The following FHL2 variants were observed in gnomAD, a reference collection of about 807,000 sequenced individuals.
FHL2 encodes the protein four and a half LIM domains 2.
In FHL2, 20 loss-of-function variants were observed where a neutral mutation model predicts 32.7. That is an observed-to-expected ratio of 0.61 (90% CI 0.43 to 0.89). The LOEUF is 0.89. Ranked by LOEUF, FHL2 falls within the 40% of genes least tolerant of loss-of-function variation. The pLI is 0.00. For synonymous variants in FHL2, 123 were observed against 128.1 expected, an observed-to-expected ratio of 0.96 and a Z score of 0.27; for missense variants, 311 against 358.6, an observed-to-expected ratio of 0.87 and a Z score of 1.07.
intron 2 of FHL2, among the ~76,000 whole-genome samples, chr2:105,388,964 T>C (rs952122577): frequency 1.8e-4 from 28 of 152,378 alleles, no homozygotes; most frequent in African/African-American, 6.3e-4. Context: ...GACCTTCTGA[T>C]GCAAATAAAA....
chr2:105,404,844 A>C (rs1391218459), intron 1 of FHL2, among the ~76,000 whole-genome samples: 1 of 152,150 alleles, frequency 6.6e-6, no homozygotes, highest in Admixed American at 6.5e-5. Flanking sequence ...TTCACAAACT[A>C]TTTGTTGGAT....
upstream of FHL2, chr2:105,399,299 G>T: frequency 6.5e-7 from 1 of 1,535,892 alleles, no homozygotes; most frequent in South Asian, 1.2e-5. Flanking sequence ...GTCGCCTCCG[G>T]CGTGGGCTCT....
At position 105,420,446 on chromosome 2, in the gene FHL2, C is replaced by T. The variant is rs574287126; in HGVS notation, c.-25+17953G>A. On this transcript the variant is annotated intron_variant, in intron 1 of 5. Transcript: ENST00000393352. ...AATTACTCGGTAACAACCCCATTTC[C>T]GAATAAGGCCATAGAGTTATTAGGA... Among the ~76,000 whole-genome samples the T allele has an allele frequency of 1.1e-3, 170 of 152,190 alleles. 2 individuals carry two copies. The Middle Eastern group carries it at 0.017, about 15-fold the overall frequency.
chr2:105,377,918 C>T (rs1041619425), intron 3 of FHL2: 3 of 398,456 alleles, frequency 7.5e-6, no homozygotes, highest in African/African-American at 6.3e-5. Flanking sequence ...GCATTACGCC[C>T]AGAGGGGTGG....
At chr2:105,412,316 T>C (rs1420123497) in intron 1 of FHL2, among the ~76,000 whole-genome samples, 1 of 152,162 alleles carries the variant, frequency 6.6e-6, no homozygotes. Flanking sequence ...TATGCTAAGC[T>C]TGAATGAGAA....
intron 1 of FHL2, among the ~76,000 whole-genome samples, chr2:105,429,602 G>C (rs935635717): frequency 2.0e-5 from 3 of 152,316 alleles, no homozygotes; most frequent in African/African-American, 7.2e-5. Context: ...ATGCAGCCCT[G>C]CTGATACCTT....
Position 105,367,609 on chromosome 2 carries a change from A to G in FHL2, c.462T>C (p.Tyr154=), listed in dbSNP as rs397517960. The G allele has an allele frequency of 1.2e-5, 19 of 1,614,040 alleles. No homozygotes were observed. In the East Asian group the frequency reaches 3.8e-4, roughly 32 times the overall value. ...KDNQNFCVPC[Y]EKQHAMQCVQ... is the part of the protein sequence containing the mutation. ...CGCACTGCATGGCATGTTGTTTCTC[A>G]TAGCAGGGCACACAGAAATTCTGAT... The change falls in exon 5 of 7, where the codon TAT becomes TAC. Residue 154 remains tyrosine, a synonymous_variant. Coordinates refer to ENST00000530340, the MANE Select transcript of FHL2 (RefSeq NM_001318895.3).
intron 1 of FHL2, among the ~76,000 whole-genome samples, chr2:105,434,235 T>C (rs1000302726): frequency 8.5e-5 from 13 of 152,228 alleles, no homozygotes; most frequent in African/African-American, 3.1e-4. Context: ...GGTTGCTCTT[T>C]TGCAATTGAA....
At chr2:105,434,112 T>C (rs1476775468) in intron 1 of FHL2, among the ~76,000 whole-genome samples, 1 of 152,224 alleles carries the variant, frequency 6.6e-6, no homozygotes, top group East Asian at 1.9e-4. Context: ...CCACGTCCCT[T>C]TCTCTGCAAA....
chr2:105,383,744 T>C (rs1682077750), intron 3 of FHL2, among the ~76,000 whole-genome samples: 1 of 152,202 alleles, frequency 6.6e-6, no homozygotes, highest in Admixed American at 6.5e-5. Context: ...AACAGGAACA[T>C]TTTTTTCTAT....
At position 105,361,323 on chromosome 2, in the gene FHL2, C is replaced by T; in HGVS notation, c.800G>A (p.Arg267Lys). The change falls in exon 7 of 7, where the codon AGG becomes AAG. Residue 267 changes from arginine (R) to lysine (K), a missense_variant. Arg to Lys is a conservative substitution (Grantham distance 26). Transcript: ENST00000530340. Reference protein sequence around the residue: ...SLVGRGFLTERDDILCPDCGK... With the variant: ...SLVGRGFLTEKDDILCPDCGK... The stretch of plus-strand genomic sequence containing the variant: ...ACAGTCGGGGCACAGGATGTCGTCC[C>T]TCTCTGTGAGGAAGCCACGCCCCAC... 1.9e-6 allele frequency: 3 copies of T among 1,614,096 alleles called. No individual in the cohort carries two copies. Among genetic ancestry groups the T allele is most frequent in the Non-Finnish European group, 1.7e-6 (2 of 1,179,960 alleles).
At chr2:105,376,119 C>G (rs955167791) in intron 3 of FHL2, 1 of 152,174 alleles carries the variant, frequency 6.6e-6, no homozygotes, top group African/African-American at 2.4e-5. Flanking sequence ...ATCATTACCC[C>G]ATCTGTGAGC....
At chr2:105,425,220 A>G (rs1394075217) in intron 1 of FHL2, among the ~76,000 whole-genome samples, 2 of 104,810 alleles carry the variant, frequency 1.9e-5, no homozygotes, top group African/African-American at 9.8e-5. Context: ...CATGTGTTGT[A>G]TAAAATCAAG....
chr2:105,371,363 C>T (rs747047797), intron 4 of FHL2, among the ~76,000 whole-genome samples: 2 of 152,152 alleles, frequency 1.3e-5, no homozygotes, highest in Non-Finnish European at 2.9e-5. Flanking sequence ...CTAAGGGCAA[C>T]TAATTCTTCT....
At chr2:105,366,508 C>T (rs1044251675) in intron 5 of FHL2, among the ~76,000 whole-genome samples, 4 of 152,172 alleles carry the variant, frequency 2.6e-5, no homozygotes, top group Admixed American at 1.3e-4. Flanking sequence ...TGCCACTCAA[C>T]AGGCTGATGC....
intron 2 of FHL2, among the ~76,000 whole-genome samples, chr2:105,394,206 T>C (rs1245193859): frequency 2.0e-5 from 3 of 152,140 alleles, no homozygotes; most frequent in Admixed American, 2.0e-4. Flanking sequence ...AAACGGGTTG[T>C]TTTAAACAGA....
intron 2 of FHL2, among the ~76,000 whole-genome samples, chr2:105,395,572 G>C (rs573119964): frequency 6.6e-6 from 1 of 152,290 alleles, no homozygotes; most frequent in East Asian, 1.9e-4. Flanking sequence ...GGTTTCTCTG[G>C]CGCACTGCAA....
intron 1 of FHL2, among the ~76,000 whole-genome samples, chr2:105,411,561 T>G (rs1683791521): frequency 2.1e-5 from 3 of 144,678 alleles, no homozygotes; most frequent in African/African-American, 8.3e-5. Context: ...TTTTTTTTTT[T>G]TTTGACTTTA....
intron 3 of FHL2, among the ~76,000 whole-genome samples, chr2:105,384,555 T>C (rs1682151950): frequency 1.3e-5 from 2 of 152,194 alleles, no homozygotes; most frequent in Admixed American, 1.3e-4. Flanking sequence ...TGTCCCAGGC[T>C]GGAGTGCAGT....
Sources: allele counts gnomAD v4.1 joint callset (sites outside exome capture counted in the v4.1 genomes callset), GRCh38; gene constraint gnomAD v4.1.1; transcripts MANE v1.5; gene names NCBI Gene and HGNC (gene_info 2026-07-23, HGNC 2026-07-21).